The following TRPV4 variants were observed in gnomAD, a reference collection of about 807,000 sequenced individuals.
TRPV4 encodes transient receptor potential cation channel subfamily V member 4.
In TRPV4, 58 loss-of-function variants were observed where a neutral mutation model predicts 84.1. The observed-to-expected ratio is 0.69, with a 90% CI of 0.56 to 0.86. The LOEUF (loss-of-function observed/expected upper bound fraction) is 0.86. TRPV4 is among the 40% of genes least tolerant of loss of function. The probability of loss-of-function intolerance (pLI) is 0.00; values close to 1 mark genes in which losing one functional copy is unlikely to be tolerated. For synonymous variants in TRPV4, 489 were observed against 500.9 expected, an observed-to-expected ratio of 0.98 and a Z score of 0.32; for missense variants, 879 against 1,181.1, an observed-to-expected ratio of 0.74 and a Z score of 3.75.
intron 5 of TRPV4, among the ~76,000 whole-genome samples, chr12:109,799,940 T>C (rs1890667071): frequency 6.6e-6 from 1 of 151,446 alleles, no homozygotes. Context: ...ATTTATTTAT[T>C]TATTTATTTA....
intron 14 of TRPV4, among the ~76,000 whole-genome samples, chr12:109,785,796 G>A (rs906359311): frequency 6.6e-6 from 1 of 151,878 alleles, no homozygotes; most frequent in Non-Finnish European, 1.5e-5. Context: ...ATTTTGGGAG[G>A]CTGAGGTGGG....
intron 1 of TRPV4, among the ~76,000 whole-genome samples, chr12:109,817,659 T>C (rs748620794): frequency 2.0e-5 from 3 of 152,162 alleles, no homozygotes; most frequent in Admixed American, 6.5e-5. Context: ...TAGGATGAAA[T>C]AATAATTATG....
intron 1 of TRPV4, among the ~76,000 whole-genome samples, chr12:109,823,246 G>A (rs114236235): frequency 6.6e-6 from 1 of 152,332 alleles, no homozygotes; most frequent in African/African-American, 2.4e-5. Flanking sequence ...GCTGCACAGT[G>A]GCCGCCTGTC....
intron 1 of TRPV4, among the ~76,000 whole-genome samples, chr12:109,820,513 C>CTTTTTTTTTTTTTTT (rs1245573219): frequency 7.5e-5 from 8 of 106,812 alleles, no homozygotes; most frequent in African/African-American, 9.4e-5. Context: ...CTTCAGCTGC[C>CTTTTTTTTTTTTTTT]CTATTTTTTT....
intron 7 of TRPV4, 129 bp from the exon 8 acceptor site, chr12:109,794,616 T>C: frequency 1.0e-6 from 1 of 972,318 alleles, no homozygotes; most frequent in Non-Finnish European, 1.6e-6. Context: ...ATTCCTCAGC[T>C]GCATTCACGG....
At chr12:109,830,756 C>A (rs1892388074) in intron 1 of TRPV4, among the ~76,000 whole-genome samples, 1 of 152,152 alleles carries the variant, frequency 6.6e-6, no homozygotes, top group African/African-American at 2.4e-5. Context: ...TAGAGACACC[C>A]ACTTCATGTA....
intron 14 of TRPV4, among the ~76,000 whole-genome samples, 161 bp from the exon 15 acceptor site, chr12:109,784,598 G>A (rs1291091128): frequency 1.3e-5 from 2 of 151,978 alleles, no homozygotes; most frequent in Non-Finnish European, 2.9e-5. Flanking sequence ...GGGAGGCCGA[G>A]GTGGGTGGGT....
chr12:109,820,447 A>AGCT (rs1892047199), intron 1 of TRPV4, among the ~76,000 whole-genome samples: 1 of 150,522 alleles, frequency 6.6e-6, no homozygotes, highest in South Asian at 2.1e-4. Context: ...CCAGACCCAC[A>AGCT]GCTCACTTGC....
At chr12:109,828,464 T>C (rs1892326187) in intron 1 of TRPV4, among the ~76,000 whole-genome samples, 1 of 152,158 alleles carries the variant, frequency 6.6e-6, no homozygotes, top group Non-Finnish European at 1.5e-5. Flanking sequence ...TGCCAGCTCA[T>C]GGGCTGCAAG....
In TRPV4 at chr12:109,793,657, G is replaced by A; in HGVS notation, c.1585-57C>T. The A allele has an allele frequency of 7.1e-7, 1 of 1,403,140 alleles. No individual in the cohort carries two copies. Among genetic ancestry groups the A allele is most frequent in the Non-Finnish European group, 1.0e-6 (1 of 988,280 alleles). The allele number at this position is 1,403,140 out of a possible 1,614,324, so 86.9% of individuals were successfully genotyped here. A position where few individuals can be genotyped will look rare whatever the true frequency, so the allele number is the denominator to read the frequency against. On this transcript the variant is annotated intron_variant, in intron 9 of 15. Transcript: ENST00000261740. This position sits in a 1 kb window ranked among gnomAD's most constrained non-coding sequence, Gnocchi z 4.0. ...TGGGGCCAGCAGGAGAGGAGAGGAG[G>A]AGAGAGGAGACAGAGAAAGGGATAG...
intron 12 of TRPV4, among the ~76,000 whole-genome samples, chr12:109,791,959 G>A (rs1477189408): frequency 2.0e-5 from 3 of 151,628 alleles, no homozygotes; most frequent in African/African-American, 7.3e-5. Flanking sequence ...GGCCAGGCGC[G>A]TTGGCTCACA....
rs141295418 is a variant in TRPV4, at chr12:109,793,975, G to A, written c.1539C>T (p.Gly513=). 846 of 1,610,184 alleles carry A rather than the reference G, an allele frequency of 5.3e-4. No individual in the cohort carries two copies. Among genetic ancestry groups the A allele is most frequent in the Non-Finnish European group, 5.9e-4 (698 of 1,179,074 alleles). ...RTTVDYLRLA[G]EVITLFTGVL... ...CCCCAGTGAAGAGCGTAATGACCTC[G>A]CCAGCCAGCCGCAGGTAGTCCACCG... The change falls in exon 9 of 16, where the codon GGC becomes GGT. Residue 513 remains glycine (G), a synonymous_variant. Coordinates refer to ENST00000261740, the MANE Select transcript of TRPV4 (RefSeq NM_021625.5). This position sits in a 1 kb window ranked among gnomAD's most constrained non-coding sequence, Gnocchi z 4.0.
At chr12:109,797,174 CAG>C (rs1469918974) in intron 6 of TRPV4, among the ~76,000 whole-genome samples, 2 of 152,068 alleles carry the variant, frequency 1.3e-5, no homozygotes, top group African/African-American at 4.8e-5. Flanking sequence ...TGTTTTGAGA[CAG>C]AGTCTCTCTC....
intron 12 of TRPV4, among the ~76,000 whole-genome samples, chr12:109,791,479 C>CTTTT (rs1192347867): frequency 1.4e-4 from 18 of 128,418 alleles, no homozygotes; most frequent in African/African-American, 2.4e-4. Context: ...CATTCACCAG[C>CTTTT]TTTTTTTTTT....
intron 1 of TRPV4, among the ~76,000 whole-genome samples, chr12:109,827,779 C>T (rs969648678): frequency 4.2e-5 from 6 of 141,396 alleles, no homozygotes; most frequent in Non-Finnish European, 9.4e-5. Flanking sequence ...CATATATACA[C>T]AAACATACAC....
intron 1 of TRPV4, among the ~76,000 whole-genome samples, chr12:109,828,072 G>T (rs1892316165): frequency 6.6e-6 from 1 of 152,232 alleles, no homozygotes; most frequent in South Asian, 2.1e-4. Context: ...TGTGCAAGGG[G>T]CAGGGTGGGT....
At chr12:109,807,932 T>A (rs1891244659) in intron 3 of TRPV4, among the ~76,000 whole-genome samples, 1 of 152,238 alleles carries the variant, frequency 6.6e-6, no homozygotes, top group African/African-American at 2.4e-5. Context: ...GCCAGGAGTA[T>A]GCTATGATTA....
intron 1 of TRPV4, among the ~76,000 whole-genome samples, chr12:109,821,976 T>A (rs1423174922): frequency 1.3e-5 from 2 of 152,094 alleles, no homozygotes; most frequent in Non-Finnish European, 2.9e-5. Context: ...TTGGTTTTTT[T>A]AGGCTGTAAG....
intron 4 of TRPV4, among the ~76,000 whole-genome samples, chr12:109,802,404 C>T (rs987646522): frequency 4.0e-5 from 6 of 151,186 alleles, no homozygotes; most frequent in East Asian, 1.9e-4. Context: ...CAGGTTCAAG[C>T]GATTCTCCTG....
Sources: allele counts gnomAD v4.1 joint callset (sites outside exome capture counted in the v4.1 genomes callset), GRCh38; gene constraint gnomAD v4.1.1; non-coding constraint Gnocchi (gnomAD v3.1); transcripts MANE v1.5; gene names NCBI Gene and HGNC (gene_info 2026-07-23, HGNC 2026-07-21).